CADPS2: variants seen among roughly 807,000 people sequenced by gnomAD.
CADPS2 encodes the protein calcium-dependent secretion activator 2.
In CADPS2, 93 loss-of-function variants were observed where a neutral mutation model predicts 172.5. That is an observed-to-expected ratio of 0.54 (90% confidence interval 0.46 to 0.64). The LOEUF is 0.64. Among genes scored for constraint, CADPS2 ranks in the 30% least tolerant of loss-of-function variants. CADPS2 has a pLI of 0.00. For synonymous variants in CADPS2, 546 were observed against 555.2 expected (o/e 0.98, Z 0.23); for missense variants, 1,420 against 1,565.9 (o/e 0.91, Z 1.57).
rs759128596 is a variant in CADPS2, at chr7:122,699,046, T to C, written c.454-35477A>G. 5 of 657,014 alleles carry C rather than the reference T, an allele frequency of 7.6e-6. No homozygotes were observed. In the South Asian group the frequency reaches 1.1e-4, roughly 15 times the overall value. The allele number at this position is 657,014 out of a possible 1,614,324, so 40.7% of individuals were successfully genotyped here. On this transcript the variant is annotated intron_variant, in intron 2 of 29. Coordinates refer to ENST00000449022, the MANE Select transcript of CADPS2 (RefSeq NM_017954.11). The stretch of plus-strand genomic sequence containing the variant: ...AGATCCACTGTCTTCCAGCATGTTT[T>C]TGTAAGAAATTCTTAAAGATGGCTT...
intron 7 of CADPS2, among the ~76,000 whole-genome samples, chr7:122,568,136 T>C (rs1164221497): frequency 2.6e-5 from 4 of 152,064 alleles, no homozygotes; most frequent in African/African-American, 4.8e-5. Context: ...CAGTGGCTCA[T>C]GCCTATAATC....
intron 13 of CADPS2, among the ~76,000 whole-genome samples, 195 bp downstream of exon 13, chr7:122,474,186 T>C (rs2056340923): frequency 1.3e-5 from 2 of 152,192 alleles, no homozygotes; most frequent in African/African-American, 4.8e-5. Flanking sequence ...TCTTCAAGTG[T>C]ATAATTTTCA....
chr7:122,607,603 C>G (rs1446069499), intron 6 of CADPS2, among the ~76,000 whole-genome samples: 1 of 152,140 alleles, frequency 6.6e-6, no homozygotes, highest in Non-Finnish European at 1.5e-5. Flanking sequence ...CACTGGAGCT[C>G]ATGAATGCTC....
chr7:122,562,723 C>A (rs1035580953), intron 7 of CADPS2, among the ~76,000 whole-genome samples: 4 of 152,058 alleles, frequency 2.6e-5, no homozygotes, highest in African/African-American at 4.8e-5. Context: ...GATATTTTTA[C>A]ATATTGATTT....
intron 1 of CADPS2, among the ~76,000 whole-genome samples, chr7:122,768,766 G>A (rs113998473): frequency 0.015 from 2,239 of 152,168 alleles, 52 homozygotes; most frequent in African/African-American, 0.051. Flanking sequence ...TCTCTTTTAT[G>A]TCTTGTATTT....
chr7:122,430,212 C>CT (rs2151885971), intron 17 of CADPS2, among the ~76,000 whole-genome samples: 1 of 152,280 alleles, frequency 6.6e-6, no homozygotes, highest in South Asian at 2.1e-4. Flanking sequence ...TCCATGCTAC[C>CT]TTTTGTTCAG....
intron 1 of CADPS2, among the ~76,000 whole-genome samples, chr7:122,761,700 A>G (rs2093385301): frequency 6.6e-6 from 1 of 151,924 alleles, no homozygotes; most frequent in African/African-American, 2.4e-5. Context: ...AGCTCTTGAA[A>G]ATTAAAAATG....
chr7:122,745,197 ATATTAT>A (rs942730067), intron 1 of CADPS2, among the ~76,000 whole-genome samples: 1 of 151,924 alleles, frequency 6.6e-6, no homozygotes, highest in African/African-American at 2.4e-5. Context: ...AATATAAAAT[ATATTAT>A]TATTAATTAT....
intron 1 of CADPS2, among the ~76,000 whole-genome samples, chr7:122,827,614 A>G (rs1234593453): frequency 1.3e-5 from 2 of 148,886 alleles, no homozygotes; most frequent in Non-Finnish European, 3.0e-5. Flanking sequence ...CCTGGGCAAC[A>G]TGAGCGAAAT....
chr7:122,697,949 C>T, intron 2 of CADPS2: 2 of 1,613,766 alleles, frequency 1.2e-6, no homozygotes, highest in Non-Finnish European at 1.7e-6. Context: ...TCAGGCAGTT[C>T]ATTTGACATT....
chr7:122,573,981 C>A (rs1298018638), intron 7 of CADPS2, among the ~76,000 whole-genome samples: 1 of 152,072 alleles, frequency 6.6e-6, no homozygotes, highest in Non-Finnish European at 1.5e-5. Context: ...GACATACACA[C>A]TTACTGGAAT....
intron 14 of CADPS2, among the ~76,000 whole-genome samples, chr7:122,455,661 T>C (rs2053674600): frequency 6.6e-6 from 1 of 152,148 alleles, no homozygotes; most frequent in African/African-American, 2.4e-5. Context: ...AAATTATTAT[T>C]ACTGCTTATT....
chr7:122,625,911 TCTC>T (rs2076044241), intron 4 of CADPS2, among the ~76,000 whole-genome samples: 1 of 152,258 alleles, frequency 6.6e-6, no homozygotes, highest in South Asian at 2.1e-4. Context: ...ACAGATATAA[TCTC>T]CTATTGGCTC....
intron 25 of CADPS2, among the ~76,000 whole-genome samples, chr7:122,378,237 C>T (rs1405917553): frequency 1.3e-5 from 2 of 151,704 alleles, no homozygotes; most frequent in East Asian, 3.9e-4. Flanking sequence ...TGACAAGTAC[C>T]AATAATATAT....
chr7:122,867,990 A>G (rs1585038516), intron 1 of CADPS2, among the ~76,000 whole-genome samples: 1 of 152,086 alleles, frequency 6.6e-6, no homozygotes, highest in Non-Finnish European at 1.5e-5. Context: ...ATAACTCCCA[A>G]CTAGAAATCT....
intron 1 of CADPS2, among the ~76,000 whole-genome samples, chr7:122,743,542 C>T (rs2092590567): frequency 6.6e-6 from 1 of 152,118 alleles, no homozygotes; most frequent in African/African-American, 2.4e-5. Flanking sequence ...TGGTCACAGT[C>T]AGATTCCACA....
chr7:122,329,317 A>G (rs1227141844), intron 28 of CADPS2, among the ~76,000 whole-genome samples: 3 of 152,158 alleles, frequency 2.0e-5, no homozygotes, highest in Non-Finnish European at 4.4e-5. Context: ...AACTCTTTCC[A>G]TTGTCAATAG....
intron 3 of CADPS2, among the ~76,000 whole-genome samples, chr7:122,642,554 T>G (rs2077784599): frequency 6.6e-6 from 1 of 151,434 alleles, no homozygotes; most frequent in African/African-American, 2.4e-5. Context: ...ACAGCTTTTT[T>G]TTTTTTTTTT....
chr7:122,490,708 T>C (rs1180882459), intron 10 of CADPS2, among the ~76,000 whole-genome samples: 2 of 121,594 alleles, frequency 1.6e-5, no homozygotes, highest in Non-Finnish European at 3.5e-5. Context: ...TATAAAATTC[T>C]TTCACATAAT....
Sources: gnomAD v4.1 joint callset for allele counts (sites outside exome capture counted in the v4.1 genomes callset) on GRCh38, gnomAD v4.1.1 for gene constraint, MANE v1.5 for transcripts, NCBI Gene and HGNC (gene_info 2026-07-23, HGNC 2026-07-21) for gene names.